SLC39A12: variants seen among roughly 807,000 people sequenced by gnomAD.
SLC39A12 encodes the protein solute carrier family 39 member 12, also known as zinc transporter ZIP12.
Under a neutral mutation model 71.1 loss-of-function variants are expected in SLC39A12, and 63 were observed. The observed-to-expected ratio is 0.89, with a 90% confidence interval of 0.72 to 1.09. The LOEUF is 1.09. Ranked by LOEUF, SLC39A12 falls within the 50% of genes least tolerant of loss-of-function variation. The pLI, the probability that SLC39A12 is intolerant of heterozygous loss-of-function variation, is 0.00. For synonymous variants in SLC39A12, 351 were observed against 301.3 expected, an observed-to-expected ratio of 1.16 and a Z score of -1.71; for missense variants, 892 against 812.6, an observed-to-expected ratio of 1.10 and a Z score of -1.19.
At position 17,978,056 on chromosome 10, in the gene SLC39A12, T is replaced by C. The variant is rs763747711; in HGVS notation, c.906T>C (p.Gly302=). 6.3e-7 allele frequency: 1 copy of C among 1,599,006 alleles called. No individual in the cohort carries two copies. Among genetic ancestry groups the C allele is most frequent in the South Asian group, 1.1e-5 (1 of 87,914 alleles). Residue 302 remains glycine, a synonymous_variant, in exon 5 of 13, where the codon GGT becomes GGC. Coordinates refer to ENST00000377369, the MANE Select transcript of SLC39A12 (RefSeq NM_001145195.2). ...CCATGGAAAAAGAGTCTGAGGATGG[T>C]CCAGTTTCCTGGGATCAGGTATTGC... is the stretch of plus-strand genomic sequence containing the variant. The part of the protein sequence containing the change: ...SSSMEKESED[G]PVSWDQTCFS...
At chr10:18,037,600 A>T (rs1442548460) in intron 12 of SLC39A12, among the ~76,000 whole-genome samples, 1 of 148,176 alleles carries the variant, frequency 6.7e-6, no homozygotes, top group African/African-American at 2.6e-5. Flanking sequence ...GAGAAGTAAA[A>T]GGGGGGAAAT....
intron 12 of SLC39A12, among the ~76,000 whole-genome samples, chr10:18,014,499 A>G (rs916987020): frequency 1.8e-4 from 28 of 152,330 alleles, no homozygotes; most frequent in African/African-American, 6.5e-4. Flanking sequence ...AAGATCCTAC[A>G]ACAATCACAT....
intron 11 of SLC39A12, 156 bp from the exon 12 acceptor site, chr10:18,003,015 G>A (rs1835879517): frequency 8.1e-6 from 5 of 613,894 alleles, no homozygotes; most frequent in Non-Finnish European, 1.4e-5. Flanking sequence ...ATGAATTCTA[G>A]AGAAATATAG....
chr10:18,041,730 T>TATATATGTATATGTGC lies in SLC39A12; in HGVS notation c.1948-963_1948-962insGTGCATATATGTATAT, dbSNP rs1837248422. 5.7e-5 allele frequency among the ~76,000 whole-genome samples: 7 copies of TATATATGTATATGTGC among 123,674 alleles called. 1 individual carries two copies. The highest frequency in any genetic ancestry group is 2.2e-4 in the African/African-American group (7 of 31,598). 81.1% of individuals were successfully genotyped at this position (123,674 alleles called of 152,430 possible). A position where few individuals can be genotyped will look rare whatever the true frequency, so the allele number is the denominator to read the frequency against. On this transcript the variant is annotated intron_variant, in intron 12 of 12. Coordinates refer to ENST00000377369, the MANE Select transcript of SLC39A12 (RefSeq NM_001145195.2). ...ATGTATATACATATGTATATATGTGTATATATGTATATACATGTATATATG... is the reference window on the plus strand; with the variant it reads ...ATGTATATACATATGTATATATGTGTATATATGTATATGTGCATATATGTATATACATGTATATATG...
At chr10:17,978,752 T>C (rs1475091965) in intron 5 of SLC39A12, among the ~76,000 whole-genome samples, 3 of 152,230 alleles carry the variant, frequency 2.0e-5, no homozygotes, top group Non-Finnish European at 2.9e-5. Flanking sequence ...TCTCCAATAA[T>C]TCTTCTCTGT....
chr10:17,956,738 G>T (rs1554847813), intron 2 of SLC39A12, among the ~76,000 whole-genome samples: 1 of 152,190 alleles, frequency 6.6e-6, no homozygotes, highest in Non-Finnish European at 1.5e-5. Flanking sequence ...TGCTTTAAGG[G>T]TCTCCATTTA....
rs1401667093 is a variant in SLC39A12, at chr10:17,991,239, G to T, written c.1358G>T (p.Gly453Val). ...ATTTGGAAACTGATGGGATTAATTG[G>T]AGGCATCCATGGATTTTTCTTGATA... The part of the protein sequence containing the change: ...GHIWKLMGLI[G>V]GIHGFFLIEK... Residue 453 changes from glycine to valine, a missense_variant, in exon 8 of 13, where the codon GGA becomes GTA. Physicochemically the swap from Gly to Val is moderately radical, Grantham distance 109. Transcript: ENST00000377369. The T allele has an allele frequency of 6.3e-7, 1 of 1,597,994 alleles. No homozygotes were observed. Among genetic ancestry groups the T allele is most frequent in the East Asian group, 2.3e-5 (1 of 44,020 alleles).
intron 9 of SLC39A12, among the ~76,000 whole-genome samples, chr10:17,993,949 C>T (rs961270203): frequency 1.4e-4 from 22 of 152,086 alleles, no homozygotes; most frequent in African/African-American, 4.1e-4. Flanking sequence ...AAAGAGTTTA[C>T]GGTGTAAGGA....
In SLC39A12 at chr10:18,003,224, A is replaced by G; in HGVS notation, c.1813A>G (p.Met605Val). 1 of 1,614,120 alleles carries G rather than the reference A, an allele frequency of 6.2e-7. No homozygotes were observed. Among genetic ancestry groups the G allele is most frequent in the South Asian group, 1.1e-5 (1 of 91,076 alleles). The change falls in exon 12 of 13, where the codon ATG becomes GTG. Residue 605 changes from methionine to valine, a missense_variant. Met to Val is a conservative substitution (Grantham distance 21, BLOSUM62 1). Coordinates refer to ENST00000377369, the MANE Select transcript of SLC39A12 (RefSeq NM_001145195.2). ...ACTTTCTATGAAGACTGCCATCCTGATGAATTTTATAAGCTCCCTAACTGC... is the reference window on the plus strand; with the variant it reads ...ACTTTCTATGAAGACTGCCATCCTGGTGAATTTTATAAGCTCCCTAACTGC... Reference protein sequence around the residue: ...SGLSMKTAILMNFISSLTAFM... With the variant: ...SGLSMKTAILVNFISSLTAFM...
intron 12 of SLC39A12, among the ~76,000 whole-genome samples, chr10:18,004,149 T>G (rs1589242548): frequency 6.6e-6 from 1 of 152,220 alleles, no homozygotes; most frequent in Non-Finnish European, 1.5e-5. Context: ...TGAAGGTCAC[T>G]CTCTATTGGG....
intron 5 of SLC39A12, 21 bp from the exon 6 acceptor site, chr10:17,981,291 T>C (rs909642711): frequency 1.9e-6 from 3 of 1,579,166 alleles, no homozygotes; most frequent in Admixed American, 3.5e-5. Context: ...TTAGTAACAA[T>C]GTTATGTTTT....
chr10:17,952,129 T>C (rs1312780500), intron 1 of SLC39A12, 104 bp downstream of exon 1: 1 of 152,222 alleles, frequency 6.6e-6, no homozygotes. Context: ...ATAAAAGTAA[T>C]CCCAGTACCT....
intron 7 of SLC39A12, among the ~76,000 whole-genome samples, chr10:17,989,545 G>A (rs949605190): frequency 2.0e-5 from 3 of 152,198 alleles, no homozygotes; most frequent in African/African-American, 7.2e-5. Flanking sequence ...TTGAGGATGG[G>A]TGCAACATGT....
intron 2 of SLC39A12, among the ~76,000 whole-genome samples, chr10:17,957,390 A>T (rs1554847889): frequency 6.6e-6 from 1 of 152,204 alleles, no homozygotes; most frequent in Non-Finnish European, 1.5e-5. Flanking sequence ...GTCTTTTCCC[A>T]AAGTTTATTT....
intron 5 of SLC39A12, among the ~76,000 whole-genome samples, chr10:17,979,726 A>G: frequency 6.6e-6 from 1 of 152,136 alleles, no homozygotes; most frequent in East Asian, 1.9e-4. Flanking sequence ...TTCCTCACCC[A>G]CAGGAGTGAG....
At chr10:17,954,798 A>G (rs1834497458) in intron 2 of SLC39A12, among the ~76,000 whole-genome samples, 1 of 152,056 alleles carries the variant, frequency 6.6e-6, no homozygotes, top group Non-Finnish European at 1.5e-5. Flanking sequence ...ACATTTTGGC[A>G]GACTTTCTCA....
intron 9 of SLC39A12, 136 bp from the exon 10 acceptor site, chr10:17,995,520 A>G: frequency 1.4e-6 from 1 of 710,450 alleles, no homozygotes; most frequent in South Asian, 2.0e-5. Context: ...TGTGTCTATG[A>G]AACCTGAGGT....
At chr10:17,963,129 C>A (rs1788006132) in intron 3 of SLC39A12, among the ~76,000 whole-genome samples, 2 of 151,880 alleles carry the variant, frequency 1.3e-5, no homozygotes, top group African/African-American at 4.8e-5. Context: ...TCACTATACT[C>A]TACCCTGGGC....
chr10:17,953,568 G>A, intron 2 of SLC39A12, 31 bp downstream of exon 2: 1 of 1,606,286 alleles, frequency 6.2e-7, no homozygotes, highest in African/African-American at 1.3e-5. Context: ...TCAGGTATCA[G>A]GGCATGTCCA....
Sources: gnomAD v4.1 joint callset for allele counts (sites outside exome capture counted in the v4.1 genomes callset) on GRCh38, gnomAD v4.1.1 for gene constraint, MANE v1.5 for transcripts, NCBI Gene and HGNC (gene_info 2026-07-23, HGNC 2026-07-21) for gene names.